MAP4K5: variants seen among roughly 807,000 people sequenced by gnomAD.
MAP4K5 encodes mitogen-activated protein kinase kinase kinase kinase 5, also known as MAPK/ERK kinase kinase kinase 5.
Under a neutral mutation model 135.6 loss-of-function variants are expected in MAP4K5, and 82 were observed. The ratio of observed to expected loss-of-function variants is 0.60; its 90% CI spans 0.51 to 0.73. MAP4K5 has a LOEUF of 0.73. MAP4K5 is among the 30% of genes least tolerant of loss of function. The pLI is 0.00. For missense variants in MAP4K5, 907 were observed against 1,010.9 expected (o/e 0.90, Z 1.39); for synonymous variants, 347 against 335.0 (o/e 1.04, Z -0.39).
intron 2 of MAP4K5, among the ~76,000 whole-genome samples, chr14:50,524,618 C>T (rs572212599): frequency 2.0e-5 from 3 of 151,868 alleles, no homozygotes; most frequent in South Asian, 2.1e-4. Context: ...GCCCCCCCAC[C>T]GAGAAATGTA....
At chr14:50,508,458 T>C (rs1480653161) in intron 2 of MAP4K5, among the ~76,000 whole-genome samples, 1 of 151,416 alleles carries the variant, frequency 6.6e-6, no homozygotes, top group African/African-American at 2.4e-5. Flanking sequence ...GAGCAAACTA[T>C]CCCAAGGACA....
chr14:50,510,813 A>C (rs1376215028), intron 2 of MAP4K5, among the ~76,000 whole-genome samples: 1 of 152,186 alleles, frequency 6.6e-6, no homozygotes, highest in Admixed American at 6.6e-5. Flanking sequence ...AATGGTTTAG[A>C]GTATATCCTT....
intron 30 of MAP4K5, among the ~76,000 whole-genome samples, chr14:50,428,411 A>G (rs1311779103): frequency 6.7e-6 from 1 of 149,404 alleles, no homozygotes; most frequent in Non-Finnish European, 1.5e-5. Flanking sequence ...ACCCGCCAGC[A>G]TGCCCAGCTA....
rs574804553 is a variant in MAP4K5 at position 50,428,341 on chromosome 14, C to T, written c.2326+321G>A. Among the ~76,000 whole-genome samples the T allele has an allele frequency of 3.9e-5, 6 of 152,148 alleles. No homozygotes were observed. The East Asian group carries it at 7.7e-4, about 20-fold the overall frequency. On this transcript the variant is annotated intron_variant, in intron 30 of 32. Transcript: ENST00000682126. Reference sequence around the variant, plus strand: ...CATGATCTCAGCTCACTGCAACCTCCGCCTCGCGGGTTCAAGCGATTCTCC... The same window carrying T: ...CATGATCTCAGCTCACTGCAACCTCTGCCTCGCGGGTTCAAGCGATTCTCC...
intron 1 of MAP4K5, among the ~76,000 whole-genome samples, chr14:50,546,632 A>G (rs1313749127): frequency 6.6e-6 from 1 of 152,142 alleles, no homozygotes; most frequent in Non-Finnish European, 1.5e-5. Flanking sequence ...AGGTTTACTG[A>G]TTAGGTAAGT....
chr14:50,522,218 G>A (rs887594024), intron 2 of MAP4K5, among the ~76,000 whole-genome samples: 1 of 151,884 alleles, frequency 6.6e-6, no homozygotes, highest in African/African-American at 2.4e-5. Context: ...AGATGAATAA[G>A]CCCAAGGTTG....
At chr14:50,552,675 A>G (rs946798417) in intron 1 of MAP4K5, among the ~76,000 whole-genome samples, 4 of 152,236 alleles carry the variant, frequency 2.6e-5, no homozygotes, top group Admixed American at 1.3e-4. Flanking sequence ...CATGTAGACC[A>G]ATGGAACAGA....
intron 5 of MAP4K5, among the ~76,000 whole-genome samples, chr14:50,483,505 G>A (rs1472441986): frequency 6.6e-6 from 1 of 151,492 alleles, no homozygotes; most frequent in African/African-American, 2.4e-5. Flanking sequence ...TTAGTAACAT[G>A]ATAAATAGTA....
intron 3 of MAP4K5, among the ~76,000 whole-genome samples, chr14:50,488,253 A>G (rs2037410954): frequency 6.6e-6 from 1 of 152,148 alleles, no homozygotes; most frequent in African/African-American, 2.4e-5. Flanking sequence ...CACTATCATG[A>G]GAACTCACTA....
chr14:50,459,707 T>G (rs907104111), intron 13 of MAP4K5, among the ~76,000 whole-genome samples: 9 of 151,626 alleles, frequency 5.9e-5, no homozygotes, highest in African/African-American at 2.4e-5. Context: ...CTCTTTTTTT[T>G]TTTTTCCTGA....
At chr14:50,494,812 T>G (rs2037559688) in intron 3 of MAP4K5, among the ~76,000 whole-genome samples, 1 of 152,118 alleles carries the variant, frequency 6.6e-6, no homozygotes, top group African/African-American at 2.4e-5. Context: ...TCAACAAGGG[T>G]ATCAGAACTA....
intron 3 of MAP4K5, among the ~76,000 whole-genome samples, chr14:50,500,148 C>G (rs960491016): frequency 6.6e-6 from 1 of 152,214 alleles, no homozygotes; most frequent in African/African-American, 2.4e-5. Context: ...CATGCTTACA[C>G]TGTCCCAAGT....
intron 3 of MAP4K5, among the ~76,000 whole-genome samples, chr14:50,500,849 C>T (rs1348033703): frequency 6.6e-6 from 1 of 152,132 alleles, no homozygotes; most frequent in Non-Finnish European, 1.5e-5. Context: ...GATGGGTTAA[C>T]TGCTTAGCAA....
At chr14:50,453,536 C>A (rs987322415) in intron 14 of MAP4K5, among the ~76,000 whole-genome samples, 1 of 152,102 alleles carries the variant, frequency 6.6e-6, no homozygotes, top group African/African-American at 2.4e-5. Flanking sequence ...AGAAACATTG[C>A]TACATGAAAT....
At chr14:50,535,551 G>T (rs955641156), upstream of MAP4K5, among the ~76,000 whole-genome samples, 2 of 152,170 alleles carry the variant, frequency 1.3e-5, no homozygotes, top group African/African-American at 4.8e-5. Flanking sequence ...CCACAATTAT[G>T]ATTTGGATTT....
intron 3 of MAP4K5, among the ~76,000 whole-genome samples, chr14:50,490,662 G>T (rs78434445): frequency 4.6e-5 from 7 of 152,122 alleles, no homozygotes; most frequent in Non-Finnish European, 1.0e-4. Flanking sequence ...TAACTGGAGT[G>T]GGCAGCCAAC....
chr14:50,425,840 T>C (rs1241973005), intron 31 of MAP4K5, 67 bp downstream of exon 31: 1 of 1,126,058 alleles, frequency 8.9e-7, no homozygotes, highest in Non-Finnish European at 1.3e-6. Flanking sequence ...AGGAAATGCA[T>C]AAAACGAGTG....
At chr14:50,518,758 C>T (rs2038086748) in intron 2 of MAP4K5, among the ~76,000 whole-genome samples, 1 of 152,180 alleles carries the variant, frequency 6.6e-6, no homozygotes, top group Non-Finnish European at 1.5e-5. Flanking sequence ...TTTTCTAACA[C>T]AGACTGATTT....
chr14:50,452,959 T>TA (rs2036523333), intron 14 of MAP4K5, among the ~76,000 whole-genome samples: 1 of 152,124 alleles, frequency 6.6e-6, no homozygotes, highest in African/African-American at 2.4e-5. Context: ...CTTTATTTCT[T>TA]AGTCACATTT....
Sources: allele counts gnomAD v4.1 joint callset (sites outside exome capture counted in the v4.1 genomes callset), GRCh38; gene constraint gnomAD v4.1.1; transcripts MANE v1.5; gene names NCBI Gene and HGNC (gene_info 2026-07-23, HGNC 2026-07-21).